Variants in TAF1 observed in about 807,000 individuals in gnomAD.
The protein encoded by TAF1 is TATA-box binding protein associated factor 1.
In TAF1, 2 loss-of-function variants were observed where a neutral mutation model predicts 138.5. The ratio of observed to expected loss-of-function variants is 0.01; its 90% CI spans 0.01 to 0.05. The LOEUF (loss-of-function observed/expected upper bound fraction) is 0.05. Ranked by LOEUF, TAF1 falls within the 10% of genes least tolerant of loss-of-function variation. The pLI, the probability that TAF1 is intolerant of heterozygous loss-of-function variation, is 1.00. For synonymous variants in TAF1, 437 were observed against 503.2 expected (o/e 0.87, Z 1.76); for missense variants, 709 against 1,478.0 (o/e 0.48, Z 8.53).
intron 32 of TAF1, among the ~76,000 whole-genome samples, chrX:71,452,636 G>A (rs2038065930): frequency 8.9e-6 from 1 of 111,839 alleles, no homozygotes; most frequent in Admixed American, 9.4e-5. Flanking sequence ...AGGCAGAGAT[G>A]CTCCTCACTT....
intron 13 of TAF1, among the ~76,000 whole-genome samples, chrX:71,496,124 T>A (rs2039390289): frequency 8.9e-6 from 1 of 112,323 alleles, no homozygotes; most frequent in African/African-American, 3.2e-5. Flanking sequence ...CAAGAGTTTC[T>A]TTATCTCTCA....
chrX:71,370,059 T>C (rs1045441003), intron 3 of TAF1, among the ~76,000 whole-genome samples: 13 of 110,319 alleles, frequency 1.2e-4, no homozygotes, highest in Admixed American at 3.8e-4. Context: ...ACCCCGTCTC[T>C]ACTAAAAATA....
intron 32 of TAF1, among the ~76,000 whole-genome samples, chrX:71,441,215 A>G (rs1185018497): frequency 2.8e-5 from 3 of 108,581 alleles, no homozygotes; most frequent in African/African-American, 1.0e-4. Context: ...GTGACTGTTC[A>G]TTTCTTTGGC....
intron 32 of TAF1, among the ~76,000 whole-genome samples, chrX:71,451,655 G>A (rs2148788074): frequency 9.1e-6 from 1 of 109,662 alleles, no homozygotes; most frequent in South Asian, 3.9e-4. Context: ...CTGGGTACTT[G>A]AGATTAGGGA....
intron 8 of TAF1, 67 bp from the exon 9 acceptor site, chrX:71,381,676 C>A: frequency 2.7e-6 from 3 of 1,125,517 alleles, no homozygotes; most frequent in Non-Finnish European, 3.6e-6. Context: ...TTATCTTTGC[C>A]AGAATCTTGA....
Position 71,368,149 on chromosome X carries a change from T to C in TAF1, c.331T>C (p.Leu111=). The change falls in exon 3 of 38, where the codon TTG becomes CTG. Residue 111 remains leucine (L), a synonymous_variant. Coordinates refer to ENST00000423759, the MANE Select transcript of TAF1 (RefSeq NM_004606.5). The part of the protein sequence containing the change: ...SRRYQQTMGS[L]QPLCHSDYDE... ...AAGATACCAGCAGACGATGGGGAGC[T>C]TGCAGCCCCTTTGCCACTCAGGTGA... 1 of 1,211,741 alleles carries C rather than the reference T, an allele frequency of 8.3e-7. No individual in the cohort carries two copies. Among genetic ancestry groups the C allele is most frequent in the South Asian group, 1.8e-5 (1 of 57,008 alleles).
intron 32 of TAF1, among the ~76,000 whole-genome samples, chrX:71,432,040 TAGAG>T (rs752768332): frequency 3.6e-5 from 4 of 111,254 alleles, no homozygotes; most frequent in East Asian, 5.6e-4. Flanking sequence ...GGTCAGGTGT[TAGAG>T]AGAAGACCAA....
rs1423070801 is a variant in TAF1 at position 71,401,442 on chromosome X, G to A, written c.3787-86G>A. 10 of 1,098,361 alleles carry A rather than the reference G, an allele frequency of 9.1e-6. No homozygotes were observed. In the East Asian group the frequency reaches 9.2e-5, roughly 10 times the overall value. The allele number at this position is 1,098,361 out of a possible 1,213,427, so 90.5% of individuals were successfully genotyped here. A position where few individuals can be genotyped will look rare whatever the true frequency, so the allele number is the denominator to read the frequency against. ...GAACCAATCCCCTGCATATACTGAG[G>A]GATGACTTTATTTCTTACCTGCTTA... On this transcript the variant is annotated intron_variant, in intron 24 of 37. Transcript: ENST00000423759.
At chrX:71,495,384 A>T (rs1054393725) in intron 13 of TAF1, among the ~76,000 whole-genome samples, 1 of 111,966 alleles carries the variant, frequency 8.9e-6, no homozygotes, top group Non-Finnish European at 1.9e-5. Context: ...TAATAGCAAG[A>T]TGGCTGTCAT....
intron 34 of TAF1, among the ~76,000 whole-genome samples, chrX:71,456,800 C>T (rs773064140): frequency 4.7e-5 from 5 of 106,378 alleles, no homozygotes; most frequent in East Asian, 5.9e-4. Context: ...CTCAGCCTCC[C>T]GAGTAGCTGG....
chrX:71,399,675 G>T (rs1847568177), intron 24 of TAF1, among the ~76,000 whole-genome samples: 1 of 105,550 alleles, frequency 9.5e-6, no homozygotes, highest in Non-Finnish European at 1.9e-5. Context: ...GGGTTCCAGC[G>T]ATTCTTGCGC....
Position 71,454,162 on chromosome X carries a change from A to AT in TAF1, c.4754-5dup. The AT allele has an allele frequency of 8.3e-7, 1 of 1,202,918 alleles. No individual in the cohort carries two copies. Among genetic ancestry groups the AT allele is most frequent in the Non-Finnish European group, 1.1e-6 (1 of 888,902 alleles). On this transcript the variant is annotated splice_region_variant and splice_polypyrimidine_tract_variant and intron_variant, in intron 32 of 37. Coordinates refer to ENST00000423759, the MANE Select transcript of TAF1 (RefSeq NM_004606.5). ...AAAGATAATGGCACTTTCTTATTTT[A>AT]TTTATAGGACCTGAGAGTCAGTATA...
At chrX:71,395,646 A>G (rs943509788) in intron 22 of TAF1, among the ~76,000 whole-genome samples, 1 of 111,954 alleles carries the variant, frequency 8.9e-6, no homozygotes, top group Non-Finnish European at 1.9e-5. Context: ...GAAGATTTAT[A>G]TGGCTTCTCA....
At chrX:71,374,355 G>C (rs113434401) in intron 3 of TAF1, among the ~76,000 whole-genome samples, 2 of 111,683 alleles carry the variant, frequency 1.8e-5, no homozygotes, top group African/African-American at 6.5e-5. Context: ...GAGTGCTGGC[G>C]TGAGCCACCA....
chrX:71,421,525 G>A (rs2036344026), intron 29 of TAF1, 149 bp downstream of exon 29: 1 of 469,883 alleles, frequency 2.1e-6, no homozygotes, highest in Non-Finnish European at 3.6e-6. Flanking sequence ...GGGACTTATA[G>A]AACTCATAGG....
At chrX:71,476,035 C>T (rs756233131) in intron 13 of TAF1, among the ~76,000 whole-genome samples, 1 of 111,791 alleles carries the variant, frequency 8.9e-6, no homozygotes. Flanking sequence ...GAGACCTGCT[C>T]AGAAGCAGAT....
At chrX:71,433,132 T>C (rs1248456092) in intron 32 of TAF1, among the ~76,000 whole-genome samples, 2 of 112,082 alleles carry the variant, frequency 1.8e-5, no homozygotes, top group African/African-American at 6.5e-5. Flanking sequence ...TACAAGGCTG[T>C]GATAAGAAAG....
rs1201750639 is a variant in TAF1, at chrX:71,417,684, T to TTG, written c.4385-3623_4385-3622dup. 5.4e-5 allele frequency among the ~76,000 whole-genome samples: 6 copies of TTG among 111,536 alleles called. No homozygotes were observed. The Admixed American group carries it at 5.7e-4, about 11-fold the overall frequency. On this transcript the variant is annotated intron_variant, in intron 28 of 37. Coordinates refer to ENST00000423759, the MANE Select transcript of TAF1 (RefSeq NM_004606.5). The stretch of plus-strand genomic sequence containing the variant: ...CGGCCCCAGTAAGCAGATACAGTTG[T>TTG]TGTAAAACAACTTATAGCATACTGT...
At chrX:71,405,316 TAC>T (rs1284985019) in intron 25 of TAF1, among the ~76,000 whole-genome samples, 2 of 111,166 alleles carry the variant, frequency 1.8e-5, no homozygotes, top group Non-Finnish European at 3.8e-5. Context: ...ATCAATTTGA[TAC>T]AGTTACAGTC....
Sources: allele counts gnomAD v4.1 joint callset (sites outside exome capture counted in the v4.1 genomes callset), GRCh38; gene constraint gnomAD v4.1.1; transcripts MANE v1.5; gene names NCBI Gene and HGNC (gene_info 2026-07-23, HGNC 2026-07-21).